Variants in EIF3A observed in about 807,000 individuals in gnomAD.
EIF3A encodes the protein EIF3, p180 subunit.
Under a neutral mutation model 186.6 loss-of-function variants are expected in EIF3A, and 21 were observed. That is an observed-to-expected ratio of 0.11 (90% CI 0.08 to 0.16). The LOEUF (loss-of-function observed/expected upper bound fraction) is 0.16, where lower values mean the gene tolerates loss of function less well. EIF3A is among the 10% of genes least tolerant of loss of function. The pLI is 1.00. For missense variants in EIF3A, 1,306 were observed against 1,796.3 expected (o/e 0.73, Z 4.93); for synonymous variants, 563 against 584.3 (o/e 0.96, Z 0.52).
chr10:119,065,916 A>C (rs1322043297), intron 6 of EIF3A, among the ~76,000 whole-genome samples: 1 of 151,938 alleles, frequency 6.6e-6, no homozygotes, highest in Non-Finnish European at 1.5e-5. Flanking sequence ...AGAGATCGAG[A>C]CCATCCTGGC....
intron 1 of EIF3A, among the ~76,000 whole-genome samples, chr10:119,079,138 G>T (rs1386851922): frequency 1.3e-5 from 2 of 152,090 alleles, no homozygotes; most frequent in Admixed American, 6.6e-5. Flanking sequence ...TCTTCTTTCC[G>T]ATGTATTAAT....
chr10:119,049,860 C>T lies in EIF3A; in HGVS notation c.2599G>A (p.Glu867Lys). The change falls in exon 17 of 22, where the codon GAA becomes AAA. Residue 867 changes from glutamate to lysine, a missense_variant. Physicochemically the swap from Glu to Lys is moderately conservative, Grantham distance 56 (BLOSUM62 1). This residue lies in a region of EIF3A where 410 missense variants were observed against 473.5 expected (regional missense o/e 0.87). Coordinates refer to ENST00000369144, the MANE Select transcript of EIF3A (RefSeq NM_003750.4). ...KKRQRELEIE[E>K]RERRREEERR... ...TCTTCCTCTCTACGCCGTTCTCGTT[C>T]TTCAATTTCCAACTCCCTTTGGCGT... is the stretch of plus-strand genomic sequence containing the variant. The T allele has an allele frequency of 6.2e-7, 1 of 1,614,174 alleles. No homozygotes were observed. Among genetic ancestry groups the T allele is most frequent in the Non-Finnish European group, 8.5e-7 (1 of 1,180,026 alleles).
intron 1 of EIF3A, among the ~76,000 whole-genome samples, chr10:119,078,114 G>T (rs1844205620): frequency 1.3e-5 from 2 of 152,122 alleles, no homozygotes; most frequent in South Asian, 4.1e-4. Flanking sequence ...CAGACCAAAT[G>T]GATATGCTAT....
chr10:119,036,239 T>G lies in EIF3A; in HGVS notation c.3949A>C (p.Lys1317Gln). ...VSSWRRADDR[K>Q]DDRVEERDPP... ...TCCCGCTCTTCCACCCGGTCATCTT[T>G]CCTGTCATCAGCACGTCTCCAAGAA... The change falls in exon 22 of 22, where the codon AAA becomes CAA. Residue 1317 changes from lysine (K) to glutamine (Q), a missense_variant. Around this residue, in one of 8 missense-constraint regions of EIF3A, gnomAD observed 331 missense variants for 365.8 expected, o/e 0.90. Transcript: ENST00000369144. 6.2e-7 allele frequency: 1 copy of G among 1,614,014 alleles called. No homozygotes were observed. The highest frequency in any genetic ancestry group is 8.5e-7 in the Non-Finnish European group (1 of 1,180,018).
Position 119,065,383 on chromosome 10 carries a change from T to C in EIF3A, c.1122+16A>G. 6.3e-7 allele frequency: 1 copy of C among 1,580,538 alleles called. No homozygotes were observed. The highest frequency in any genetic ancestry group is 8.6e-7 in the Non-Finnish European group (1 of 1,159,214). ...TTTCTGCCCAAAGCTACAAAAATCC[T>C]CAAATTAATACTAACCATATCATTA... On this transcript the variant is annotated intron_variant, in intron 7 of 21. Transcript: ENST00000369144.
intron 7 of EIF3A, 149 bp from the exon 8 acceptor site, chr10:119,061,477 T>C (rs888014753): frequency 2.2e-6 from 1 of 460,090 alleles, no homozygotes. Context: ...CAAAAATGAA[T>C]CCAAAGTACA....
Position 119,040,782 on chromosome 10 carries a change from G to A in EIF3A, c.3526+1212C>T, listed in dbSNP as rs1384763123. Among the ~76,000 whole-genome samples, 22 of 152,048 alleles carry A rather than the reference G, an allele frequency of 1.4e-4. No homozygotes were observed. The East Asian group carries it at 1.9e-3, about 13-fold the overall frequency. On this transcript the variant is annotated intron_variant, in intron 19 of 21. Transcript: ENST00000369144. ...AGCACTTTGGGAGGCTGAGGCAGGC[G>A]GATCAAGAGGTCAGGAGATCGAGAC...
intron 7 of EIF3A, among the ~76,000 whole-genome samples, chr10:119,063,951 T>C (rs1258084448): frequency 6.6e-6 from 1 of 152,112 alleles, no homozygotes; most frequent in Non-Finnish European, 1.5e-5. Flanking sequence ...TAGTGGTGCG[T>C]GCCTGTAATT....
Position 119,064,800 on chromosome 10 carries a change from C to T in EIF3A, c.1122+599G>A, listed in dbSNP as rs774736652. On this transcript the variant is annotated intron_variant, in intron 7 of 21. Transcript: ENST00000369144. ...TCAGCTCACTGCAACCTCCGCCTCC[C>T]GGGTTCCAGCGATTCTCCTGACTCA... is the stretch of plus-strand genomic sequence containing the variant. 2.8e-4 allele frequency among the ~76,000 whole-genome samples: 42 copies of T among 152,298 alleles called. 1 individual carries two copies. The highest frequency in any genetic ancestry group is 3.4e-3 in the Middle Eastern group (1 of 294).
chr10:119,065,350 C>G (rs1843955162), intron 7 of EIF3A, 49 bp downstream of exon 7: 1 of 1,397,598 alleles, frequency 7.2e-7, no homozygotes, highest in Non-Finnish European at 1.0e-6. Flanking sequence ...TAAACCTGAC[C>G]ACAAAGTTTT....
chr10:119,064,680 T>G (rs1461018926), intron 7 of EIF3A, among the ~76,000 whole-genome samples: 1 of 152,120 alleles, frequency 6.6e-6, no homozygotes, highest in Non-Finnish European at 1.5e-5. Context: ...CCTCTTTTCT[T>G]TATAAATTAC....
chr10:119,061,467 C>T (rs1843887046), intron 7 of EIF3A, 139 bp from the exon 8 acceptor site: 2 of 456,512 alleles, frequency 4.4e-6, no homozygotes, highest in Non-Finnish European at 8.0e-6. Context: ...CTAAATTTAC[C>T]AAAAATGAAT....
chr10:119,057,968 A>G lies in EIF3A; in HGVS notation c.1965T>C (p.Asp655=). The change falls in exon 12 of 22, where the codon GAT becomes GAC. Residue 655 remains aspartate (D), a synonymous_variant. Coordinates refer to ENST00000369144, the MANE Select transcript of EIF3A (RefSeq NM_003750.4). ...KTELGAKAFK[D]IDIEDLEELD... is the part of the protein sequence containing the mutation. The stretch of plus-strand genomic sequence containing the variant: ...AGATGCTACGTACTTCAATATCAAT[A>G]TCTTTGAATGCTTTGGCACCCAGTT... 6.2e-7 allele frequency: 1 copy of G among 1,611,168 alleles called. No homozygotes were observed. Among genetic ancestry groups the G allele is most frequent in the Non-Finnish European group, 8.5e-7 (1 of 1,178,886 alleles).
At chr10:119,060,870 G>GTGATTCTCTTTCAATTT in intron 8 of EIF3A, 26 bp from the exon 9 acceptor site, 2 of 1,476,492 alleles carry the variant, frequency 1.4e-6, no homozygotes, top group Non-Finnish European at 1.9e-6. Flanking sequence ...AATTGAAAGA[G>GTGATTCTCTTTCAATTT]AATCACACTT....
At chr10:119,072,343 G>C (rs1267525109) in intron 4 of EIF3A, among the ~76,000 whole-genome samples, 2 of 146,006 alleles carry the variant, frequency 1.4e-5, no homozygotes, top group Non-Finnish European at 3.0e-5. Context: ...TGTGTAAAAA[G>C]AAAAAAAAAG....
chr10:119,067,426 C>T (rs1843998873), intron 6 of EIF3A, among the ~76,000 whole-genome samples: 1 of 151,712 alleles, frequency 6.6e-6, no homozygotes, highest in African/African-American at 2.4e-5. Flanking sequence ...CCTGCCTCCA[C>T]AAAAAAAATT....
At chr10:119,041,973 T>G in intron 19 of EIF3A, 21 bp downstream of exon 19, 1 of 1,610,502 alleles carries the variant, frequency 6.2e-7, no homozygotes, top group Non-Finnish European at 8.5e-7. Flanking sequence ...CTTAAGCATA[T>G]TCTAGGAAAT....
At position 119,070,952 on chromosome 10, in the gene EIF3A, G is replaced by A; in HGVS notation, c.675C>T (p.Ser225=). 6.2e-7 allele frequency: 1 copy of A among 1,613,826 alleles called. No homozygotes were observed. The highest frequency in any genetic ancestry group is 8.5e-7 in the Non-Finnish European group (1 of 1,179,706). Reference sequence around the variant, plus strand: ...GTCTGGTTTCCAAATGCATGGACTGGCTCTCTGGATTATTAAGATTGATTG... The same window carrying A: ...GTCTGGTTTCCAAATGCATGGACTGACTCTCTGGATTATTAAGATTGATTG... The part of the protein sequence containing the change: ...STAINLNNPE[S]QSMHLETRLV... The change falls in exon 5 of 22, where the codon AGC becomes AGT. Residue 225 remains serine, a synonymous_variant. Coordinates refer to ENST00000369144, the MANE Select transcript of EIF3A (RefSeq NM_003750.4).
intron 1 of EIF3A, among the ~76,000 whole-genome samples, chr10:119,077,746 G>C (rs770644476): frequency 7.2e-5 from 11 of 151,846 alleles, no homozygotes; most frequent in Non-Finnish European, 1.5e-4. Context: ...TACTAGAGAC[G>C]GTTTCACTGT....
Sources: allele counts gnomAD v4.1 joint callset (sites outside exome capture counted in the v4.1 genomes callset), GRCh38; gene constraint gnomAD v4.1.1; regional missense constraint gnomAD v4.1.1; transcripts MANE v1.5; gene names NCBI Gene and HGNC (gene_info 2026-07-23, HGNC 2026-07-21).